The following DLGAP2 variants were observed in gnomAD, a reference collection of about 807,000 sequenced individuals.
DLGAP2 encodes the protein disks large-associated protein 2.
DLGAP2 carries 26 observed loss-of-function variants against 100.3 expected under a neutral mutation model. The observed-to-expected ratio is 0.26, with a 90% CI of 0.19 to 0.36. The LOEUF (loss-of-function observed/expected upper bound fraction) is 0.36, where lower values mean the gene tolerates loss of function less well. Ranked by LOEUF, DLGAP2 falls within the 10% of genes least tolerant of loss-of-function variation. The pLI, the probability that DLGAP2 is intolerant of heterozygous loss-of-function variation, is 1.00. For missense variants in DLGAP2, 1,858 were observed against 1,453.2 expected, an observed-to-expected ratio of 1.28 and a Z score of -4.53; for synonymous variants, 886 against 630.1, an observed-to-expected ratio of 1.41 and a Z score of -6.08.
intron 2 of DLGAP2, among the ~76,000 whole-genome samples, chr8:1,050,479 A>C (rs978736196): frequency 6.6e-6 from 1 of 152,190 alleles, no homozygotes; most frequent in East Asian, 1.9e-4. Context: ...CTGTGATGTT[A>C]TGTGGATTAG....
intron 2 of DLGAP2, among the ~76,000 whole-genome samples, chr8:1,100,406 G>C (rs1463507295): frequency 6.6e-6 from 1 of 151,594 alleles, no homozygotes. Context: ...GAAAACCTTT[G>C]TCCAGCATAT....
chr8:1,193,924 C>G (rs376505460), intron 2 of DLGAP2, among the ~76,000 whole-genome samples: 1 of 152,118 alleles, frequency 6.6e-6, no homozygotes, highest in African/African-American at 2.4e-5. Flanking sequence ...GCTGGAGGGA[C>G]GTTTTCGTTC....
chr8:1,567,574 C>T (rs1404528265), intron 6 of DLGAP2, among the ~76,000 whole-genome samples: 2 of 152,304 alleles, frequency 1.3e-5, no homozygotes, highest in Non-Finnish European at 2.9e-5. Flanking sequence ...ACTCATTCAC[C>T]ATCACTGCCA....
Position 737,682 on chromosome 8 carries a change from G to GCGAA in DLGAP2, c.-123_-120dup. 2 of 365,352 alleles carry GCGAA rather than the reference G, an allele frequency of 5.5e-6. No individual in the cohort carries two copies. Among genetic ancestry groups the GCGAA allele is most frequent in the Non-Finnish European group, 4.9e-6 (1 of 204,560 alleles). The allele number at this position is 365,352 out of a possible 1,614,324, so 22.6% of individuals were successfully genotyped here. A position where few individuals can be genotyped will look rare whatever the true frequency, so the allele number is the denominator to read the frequency against. On this transcript the variant is annotated 5_prime_UTR_variant, in exon 1 of 15. Transcript: ENST00000637795. Reference sequence around the variant, plus strand: ...GTCTGAGCGCGCGGCGCCTGCGGCGGCGAACGGACGGACGGACCGCGGACG... The same window carrying GCGAA: ...GTCTGAGCGCGCGGCGCCTGCGGCGGCGAACGAACGGACGGACGGACCGCGGACG...
chr8:1,334,334 G>T (rs1425712667), intron 3 of DLGAP2, among the ~76,000 whole-genome samples: 1 of 152,170 alleles, frequency 6.6e-6, no homozygotes, highest in African/African-American at 2.4e-5. Context: ...CAGCGTTCCT[G>T]GCGTCGGCCC....
chr8:926,845 G>T (rs1798826749), intron 2 of DLGAP2, among the ~76,000 whole-genome samples: 1 of 152,280 alleles, frequency 6.6e-6, no homozygotes, highest in Non-Finnish European at 1.5e-5. Context: ...GGCTGCAGTT[G>T]TGTAATAATC....
intron 1 of DLGAP2, among the ~76,000 whole-genome samples, chr8:827,081 T>C (rs1468849160): frequency 6.6e-6 from 1 of 152,096 alleles, no homozygotes; most frequent in African/African-American, 2.4e-5. Context: ...ACATTTTTGG[T>C]CACACAGTTG....
At chr8:1,121,708 AC>A (rs1796053482) in intron 2 of DLGAP2, among the ~76,000 whole-genome samples, 1 of 84,118 alleles carries the variant, frequency 1.2e-5, no homozygotes, top group Non-Finnish European at 3.6e-5. Flanking sequence ...ACCCATGACC[AC>A]CCATCCTTGT....
intron 3 of DLGAP2, among the ~76,000 whole-genome samples, chr8:1,362,781 C>G (rs1018340218): frequency 6.6e-6 from 1 of 152,212 alleles, no homozygotes; most frequent in African/African-American, 2.4e-5. Context: ...TTCTTTGACC[C>G]CATGCATTTG....
chr8:1,569,289 A>G (rs1392047237), intron 6 of DLGAP2, among the ~76,000 whole-genome samples: 1 of 152,264 alleles, frequency 6.6e-6, no homozygotes, highest in East Asian at 1.9e-4. Flanking sequence ...AGTCCAACAA[A>G]TGTCAGGCAT....
At chr8:1,584,798 T>A (rs550610924) in intron 6 of DLGAP2, among the ~76,000 whole-genome samples, 1 of 152,294 alleles carries the variant, frequency 6.6e-6, no homozygotes, top group East Asian at 1.9e-4. Context: ...ACCAGAACAT[T>A]ATCCATCCAC....
chr8:918,766 G>A (rs552990747), intron 2 of DLGAP2, among the ~76,000 whole-genome samples: 8 of 152,296 alleles, frequency 5.3e-5, no homozygotes, highest in East Asian at 3.9e-4. Context: ...ATAGAGGCAC[G>A]TAGACATATA....
At chr8:1,407,351 A>G (rs1302221515) in intron 3 of DLGAP2, among the ~76,000 whole-genome samples, 5 of 78,492 alleles carry the variant, frequency 6.4e-5, no homozygotes, top group African/African-American at 2.7e-4. Flanking sequence ...TCGTGTATTG[A>G]GAACTTACTG....
rs527573861 is a variant in DLGAP2 at position 1,668,503 on chromosome 8, A to G, written c.1985A>G (p.Asn662Ser). 2 of 1,592,374 alleles carry G rather than the reference A, an allele frequency of 1.3e-6. No individual in the cohort carries two copies. Among genetic ancestry groups the G allele is most frequent in the Admixed American group, 3.5e-5 (2 of 56,946 alleles). The change falls in exon 9 of 15, where the codon AAC (asparagine) becomes AGC (serine). Residue 662 changes from asparagine to serine, a missense_variant. Physicochemically the swap from Asn to Ser is conservative, Grantham distance 46. Coordinates refer to ENST00000637795, the MANE Select transcript of DLGAP2 (RefSeq NM_001346810.2). ...PWPQDSRGLY[N>S]STDSLDSNKA... ...CCCCAGGACAGCCGCGGCCTCTACA[A>G]CTCCACGGACAGCCTGGACAGCAAC...
At chr8:885,318 C>G (rs372524130) in intron 1 of DLGAP2, among the ~76,000 whole-genome samples, 80 of 152,144 alleles carry the variant, frequency 5.3e-4, no homozygotes, top group African/African-American at 1.9e-3. Context: ...GGTTTAAGTA[C>G]TTCTCCTTGA....
intron 2 of DLGAP2, among the ~76,000 whole-genome samples, chr8:965,133 G>C (rs1242945138): frequency 7.0e-6 from 1 of 142,026 alleles, no homozygotes; most frequent in African/African-American, 2.6e-5. Context: ...GCATGCACAC[G>C]GCGCTGTTCA....
intron 2 of DLGAP2, among the ~76,000 whole-genome samples, chr8:1,092,030 A>G (rs551335040): frequency 1.3e-5 from 2 of 152,202 alleles, no homozygotes; most frequent in East Asian, 3.9e-4. Flanking sequence ...AGCGTCAGAG[A>G]GCAGCGTGTT....
chr8:1,095,617 C>G (rs1804343466), intron 2 of DLGAP2, among the ~76,000 whole-genome samples: 1 of 152,190 alleles, frequency 6.6e-6, no homozygotes, highest in Admixed American at 6.5e-5. Flanking sequence ...TTTCCGAGTG[C>G]TGGGCGCACA....
intron 3 of DLGAP2, among the ~76,000 whole-genome samples, chr8:1,306,901 A>G (rs143182145): frequency 1.0e-3 from 154 of 152,326 alleles, no homozygotes; most frequent in African/African-American, 3.6e-3. Flanking sequence ...TACTCAACAG[A>G]TAAAAGACCT....
Sources: allele counts gnomAD v4.1 joint callset (sites outside exome capture counted in the v4.1 genomes callset), GRCh38; gene constraint gnomAD v4.1.1; transcripts MANE v1.5; gene names NCBI Gene and HGNC (gene_info 2026-07-23, HGNC 2026-07-21).